The following ELOVL5 variants were observed in gnomAD, a reference collection of about 807,000 sequenced individuals.
ELOVL5 encodes ELOVL fatty acid elongase 5.
A neutral mutation model predicts 38.6 loss-of-function variants in ELOVL5; 8 were observed. That is an observed-to-expected ratio of 0.21 (90% CI 0.12 to 0.37). The LOEUF is 0.37. ELOVL5 is among the 10% of genes least tolerant of loss of function. ELOVL5 has a pLI of 1.00. For synonymous variants in ELOVL5, 127 were observed against 133.7 expected, an observed-to-expected ratio of 0.95 and a Z score of 0.34; for missense variants, 280 against 367.8, an observed-to-expected ratio of 0.76 and a Z score of 1.95.
intron 1 of ELOVL5, among the ~76,000 whole-genome samples, chr6:53,307,712 A>G (rs1767641398): frequency 1.3e-5 from 2 of 152,220 alleles, no homozygotes; most frequent in Non-Finnish European, 2.9e-5. Context: ...ATTCCTCTGA[A>G]ATGTCAAGGA....
At chr6:53,269,343 A>C in intron 7 of ELOVL5, 73 bp from the exon 8 acceptor site, 1 of 1,260,278 alleles carries the variant, frequency 7.9e-7, no homozygotes, top group Non-Finnish European at 1.1e-6. Context: ...TGAGAATTGC[A>C]TCCCTAACAC....
intron 1 of ELOVL5, among the ~76,000 whole-genome samples, chr6:53,343,683 A>G (rs1769423674): frequency 6.6e-6 from 1 of 152,238 alleles, no homozygotes; most frequent in African/African-American, 2.4e-5. Context: ...ATTTTCTTCA[A>G]GTTAGGACAA....
At chr6:53,316,752 G>A (rs1274053456) in intron 1 of ELOVL5, among the ~76,000 whole-genome samples, 4 of 151,386 alleles carry the variant, frequency 2.6e-5, no homozygotes, top group African/African-American at 7.3e-5. Flanking sequence ...GGAGGGGGGT[G>A]CCATGTAGTG....
At chr6:53,301,400 G>A (rs1221960211) in intron 1 of ELOVL5, among the ~76,000 whole-genome samples, 20 of 152,176 alleles carry the variant, frequency 1.3e-4, no homozygotes, top group Admixed American at 1.2e-3. Flanking sequence ...AGTCCTACAT[G>A]CAGCAAAAGA....
At chr6:53,347,717 AC>A (rs890456947) in intron 1 of ELOVL5, among the ~76,000 whole-genome samples, 3 of 151,032 alleles carry the variant, frequency 2.0e-5, no homozygotes, top group Non-Finnish European at 3.0e-5. Context: ...TCCGAAAGAG[AC>A]CCCCCGCCCC....
rs574033946 is a variant in ELOVL5 at position 53,291,931 on chromosome 6, T to C, written c.91A>G (p.Asn31Asp). The C allele has an allele frequency of 3.1e-6, 5 of 1,594,722 alleles. No individual in the cohort carries two copies. In the South Asian group the frequency reaches 4.6e-5, roughly 15 times the overall value. The change falls in exon 3 of 8, where the codon AAT becomes GAT. Residue 31 changes from asparagine to aspartate, a missense_variant. This residue lies in a region of ELOVL5 where 150 missense variants were observed against 178.0 expected (regional missense o/e 0.84). Transcript: ENST00000304434. The part of the protein sequence containing the change: ...TRVKGWFLLD[N>D]YIPTFICSVI... ...GAGCAGATAAATGTGGGTATATAAT[T>C]GTCCAGAAGAAACCATCCTTTTACT...
At position 53,287,730 on chromosome 6, in the gene ELOVL5, T is replaced by A. The variant is rs1766625390; in HGVS notation, c.246+4046A>T. Reference sequence around the variant, plus strand: ...ATGAAAGAGCCTGGTGTTGCTGGGGTTTGAGTAGAGCTCAGCATAACAGAT... The same window carrying A: ...ATGAAAGAGCCTGGTGTTGCTGGGGATTGAGTAGAGCTCAGCATAACAGAT... On this transcript the variant is annotated intron_variant, in intron 3 of 7. Transcript: ENST00000304434. 8.1e-6 allele frequency: 6 copies of A among 744,506 alleles called. No homozygotes were observed. The South Asian group carries it at 9.8e-5, about 12-fold the overall frequency. 46.1% of individuals were successfully genotyped at this position (744,506 alleles called of 1,614,324 possible).
At position 53,270,795 on chromosome 6, in the gene ELOVL5, T is replaced by TAAA. The variant is rs2127565292; in HGVS notation, c.622-69_622-68insTTT. 1.9e-6 allele frequency: 3 copies of TAAA among 1,576,418 alleles called. No individual in the cohort carries two copies. The East Asian group carries it at 6.8e-5, about 35-fold the overall frequency. On this transcript the variant is annotated intron_variant, in intron 6 of 7. Transcript: ENST00000304434. The stretch of plus-strand genomic sequence containing the variant: ...GGACGAGGCCCCACACCAGGCAGAC[T>TAAA]TTTTAACCAGCATCACCTAAATTTC...
At chr6:53,342,370 T>C (rs1242730144) in intron 1 of ELOVL5, among the ~76,000 whole-genome samples, 2 of 152,224 alleles carry the variant, frequency 1.3e-5, no homozygotes, top group Non-Finnish European at 2.9e-5. Flanking sequence ...CACTTTGTTG[T>C]AGCATTTGCT....
At chr6:53,273,063 A>G (rs1185412815) in intron 6 of ELOVL5, among the ~76,000 whole-genome samples, 157 bp downstream of exon 6, 2 of 151,664 alleles carry the variant, frequency 1.3e-5, no homozygotes, top group Non-Finnish European at 2.9e-5. Flanking sequence ...TCAAAACAAG[A>G]AAATTCCCTA....
chr6:53,303,976 C>A (rs186386371), intron 1 of ELOVL5, among the ~76,000 whole-genome samples: 1 of 152,132 alleles, frequency 6.6e-6, no homozygotes, highest in Non-Finnish European at 1.5e-5. Flanking sequence ...CACTCCACTG[C>A]CCCTCTTGTT....
intron 1 of ELOVL5, among the ~76,000 whole-genome samples, chr6:53,298,723 A>G (rs1270429252): frequency 6.6e-6 from 1 of 152,140 alleles, no homozygotes; most frequent in Non-Finnish European, 1.5e-5. Flanking sequence ...CGGCAGGGGC[A>G]CTGCTGGCAT....
chr6:53,290,520 T>C (rs1766732569), intron 3 of ELOVL5: 1 of 152,164 alleles, frequency 6.6e-6, no homozygotes, highest in African/African-American at 2.4e-5. Context: ...TGGAGTCTAA[T>C]TAAACTGACT....
intron 1 of ELOVL5, among the ~76,000 whole-genome samples, chr6:53,299,921 CA>C (rs1561874520): frequency 1.3e-5 from 2 of 152,108 alleles, no homozygotes; most frequent in African/African-American, 4.8e-5. Context: ...AAAGAGCCAA[CA>C]AAACATTCTC....
intron 1 of ELOVL5, among the ~76,000 whole-genome samples, chr6:53,332,057 C>T (rs1339994715): frequency 1.3e-5 from 2 of 152,166 alleles, no homozygotes; most frequent in African/African-American, 2.4e-5. Context: ...GAACTCTTTA[C>T]CATGAGATGG....
intron 1 of ELOVL5, among the ~76,000 whole-genome samples, chr6:53,328,435 G>A (rs1321575798): frequency 6.6e-6 from 1 of 152,246 alleles, no homozygotes; most frequent in Non-Finnish European, 1.5e-5. Flanking sequence ...AAATCAAGAG[G>A]AGGCTAATGC....
At position 53,343,584 on chromosome 6, in the gene ELOVL5, A is replaced by G. The variant is rs555844934; in HGVS notation, c.-9+5233T>C. Among the ~76,000 whole-genome samples the G allele has an allele frequency of 3.3e-5, 5 of 152,322 alleles. No individual in the cohort carries two copies. The East Asian group carries it at 9.6e-4, about 29-fold the overall frequency. On this transcript the variant is annotated intron_variant, in intron 1 of 7. Transcript: ENST00000304434. ...TCCCTGGCCAAACAGAAACAAAACA[A>G]AAATAAAAAATAAAATTTGCTCTAG...
intron 2 of ELOVL5, among the ~76,000 whole-genome samples, chr6:53,292,283 T>C (rs1239436846): frequency 6.6e-6 from 1 of 152,242 alleles, no homozygotes; most frequent in Non-Finnish European, 1.5e-5. Flanking sequence ...TAACCAGGTA[T>C]ACCAGATTAC....
chr6:53,291,659 C>G, intron 3 of ELOVL5, 117 bp downstream of exon 3: 1 of 695,670 alleles, frequency 1.4e-6, no homozygotes, highest in Non-Finnish European at 2.3e-6. Flanking sequence ...AAGATACTTG[C>G]TTGCCCAGTT....
Sources: allele counts gnomAD v4.1 joint callset (sites outside exome capture counted in the v4.1 genomes callset), GRCh38; gene constraint gnomAD v4.1.1; regional missense constraint gnomAD v4.1.1; transcripts MANE v1.5; gene names NCBI Gene and HGNC (gene_info 2026-07-23, HGNC 2026-07-21).